The following UBE3D variants were observed in gnomAD, a reference collection of about 807,000 sequenced individuals.
UBE3D encodes ubiquitin protein ligase E3D.
UBE3D carries 48 observed loss-of-function variants against 49.6 expected under a neutral mutation model. That is an observed-to-expected ratio of 0.97 (90% CI 0.77 to 1.23). The LOEUF (loss-of-function observed/expected upper bound fraction) is 1.23, where lower values mean the gene tolerates loss of function less well. UBE3D is among the 50% of genes most tolerant of loss of function. The probability of loss-of-function intolerance (pLI) is 0.00; values close to 1 mark genes in which losing one functional copy is unlikely to be tolerated. For synonymous variants in UBE3D, 189 were observed against 174.2 expected, an observed-to-expected ratio of 1.08 and a Z score of -0.67; for missense variants, 452 against 468.4, an observed-to-expected ratio of 0.96 and a Z score of 0.32.
intron 3 of UBE3D, 121 bp from the exon 4 acceptor site, chr6:83,044,780 T>TC: frequency 2.5e-6 from 2 of 797,730 alleles, no homozygotes; most frequent in South Asian, 3.7e-5. Context: ...GCTAATTTTT[T>TC]CCCCAATTAT....
rs140323115 is a variant in UBE3D, at chr6:82,955,141, G to A, written c.1149+2171C>T. On this transcript the variant is annotated intron_variant, in intron 9 of 9. Coordinates refer to ENST00000369747, the MANE Select transcript of UBE3D (RefSeq NM_198920.3). ...ATTGCAGGCCAGGCTTCATGCACCTGTGTTTCCATGAGATTGAAATGACAT... is the reference window on the plus strand; with the variant it reads ...ATTGCAGGCCAGGCTTCATGCACCTATGTTTCCATGAGATTGAAATGACAT... 4.6e-3 allele frequency among the ~76,000 whole-genome samples: 704 copies of A among 151,800 alleles called. 3 individuals carry two copies. Among genetic ancestry groups the A allele is most frequent in the South Asian group, 0.016 (78 of 4,822 alleles).
At chr6:82,932,947 T>C (rs1774276780) in intron 9 of UBE3D, among the ~76,000 whole-genome samples, 2 of 152,162 alleles carry the variant, frequency 1.3e-5, no homozygotes, top group South Asian at 4.1e-4. Context: ...AGCAGGGCTC[T>C]AGTTGTCTGT....
At chr6:82,900,779 C>T (rs1384679589) in intron 9 of UBE3D, among the ~76,000 whole-genome samples, 1 of 152,114 alleles carries the variant, frequency 6.6e-6, no homozygotes. Context: ...GGAAGAATGG[C>T]AAAAGGTGAC....
At chr6:82,886,737 AG>A in the UBE3D span, among the ~76,000 whole-genome samples, 1 of 152,222 alleles carries the variant, frequency 6.6e-6, no homozygotes. Flanking sequence ...AATTAAAAAA[AG>A]TTTCAACTTA....
intron 5 of UBE3D, chr6:83,037,406 G>A (rs537116721): frequency 6.6e-6 from 1 of 152,274 alleles, no homozygotes; most frequent in Admixed American, 6.5e-5. Context: ...ACTTCAGGGA[G>A]AAAATAATTT....
At chr6:82,905,097 C>T (rs1772003886) in intron 9 of UBE3D, among the ~76,000 whole-genome samples, 1 of 152,216 alleles carries the variant, frequency 6.6e-6, no homozygotes, top group East Asian at 1.9e-4. Context: ...AAGCCATGGA[C>T]CTTTAATATA....
intron 9 of UBE3D, among the ~76,000 whole-genome samples, chr6:82,929,807 T>A (rs1341903352): frequency 6.6e-6 from 1 of 152,182 alleles, no homozygotes; most frequent in African/African-American, 2.4e-5. Flanking sequence ...ATTCCCTCTG[T>A]ATCCACACAT....
intron 9 of UBE3D, chr6:82,924,806 A>G (rs1241554985): frequency 6.6e-6 from 1 of 152,326 alleles, no homozygotes; most frequent in South Asian, 2.1e-4. Context: ...CATAGTATTT[A>G]TAGTAAACAT....
At chr6:82,908,899 T>G (rs1772298321) in intron 9 of UBE3D, among the ~76,000 whole-genome samples, 1 of 152,168 alleles carries the variant, frequency 6.6e-6, no homozygotes. Context: ...AGTGTGGGAC[T>G]GGAGCAGGGC....
In UBE3D at chr6:83,044,469, C is replaced by G. The variant is rs142879257; in HGVS notation, c.556G>C (p.Val186Leu). Reference sequence around the variant, plus strand: ...TCAGAAGAAACACAGCACATCTCCACTGGGGATAGTTCAGGTCTTTGCTGC... The same window carrying G: ...TCAGAAGAAACACAGCACATCTCCAGTGGGGATAGTTCAGGTCTTTGCTGC... ...LWQQRPELSPVEMCCVSSDNH... is the reference protein window; with the variant it reads ...LWQQRPELSPLEMCCVSSDNH... Residue 186 changes from valine (V) to leucine (L), a missense_variant, in exon 4 of 10, where the codon GTG becomes CTG. Coordinates refer to ENST00000369747, the MANE Select transcript of UBE3D (RefSeq NM_198920.3). 4 of 1,614,154 alleles carry G rather than the reference C, an allele frequency of 2.5e-6. No individual in the cohort carries two copies. In the South Asian group the frequency reaches 3.3e-5, roughly 13 times the overall value.
chr6:82,901,919 T>C (rs909659296), intron 9 of UBE3D, among the ~76,000 whole-genome samples: 4 of 152,198 alleles, frequency 2.6e-5, no homozygotes, highest in African/African-American at 9.6e-5. Context: ...AATTGACGTA[T>C]CATAGAAAGC....
intron 8 of UBE3D, among the ~76,000 whole-genome samples, chr6:82,968,977 C>G (rs1387266879): frequency 6.6e-6 from 1 of 152,082 alleles, no homozygotes; most frequent in Admixed American, 6.6e-5. Flanking sequence ...AAGCAATACT[C>G]AAAATCAAAT....
At chr6:82,893,778 A>G (rs1221666827) in intron 9 of UBE3D, among the ~76,000 whole-genome samples, 1 of 152,178 alleles carries the variant, frequency 6.6e-6, no homozygotes, top group East Asian at 1.9e-4. Flanking sequence ...AACAGAAGTA[A>G]AAACATTCTA....
At position 82,894,712 on chromosome 6, in the gene UBE3D, G is replaced by A. The variant is rs560525060; in HGVS notation, c.1150-1670C>T. Among the ~76,000 whole-genome samples, 3 of 152,274 alleles carry A rather than the reference G, an allele frequency of 2.0e-5. No homozygotes were observed. The East Asian group carries it at 5.8e-4, about 29-fold the overall frequency. Reference sequence around the variant, plus strand: ...AGCCTGTGAATATACCAGATGAGAAGAGAGGCCAGTAGAGCCTGTTATAAT... The same window carrying A: ...AGCCTGTGAATATACCAGATGAGAAAAGAGGCCAGTAGAGCCTGTTATAAT... On this transcript the variant is annotated intron_variant, in intron 9 of 9. Coordinates refer to ENST00000369747, the MANE Select transcript of UBE3D (RefSeq NM_198920.3).
Position 82,949,761 on chromosome 6 carries a change from G to T in UBE3D, c.1149+7551C>A, listed in dbSNP as rs1293588278. On this transcript the variant is annotated intron_variant, in intron 9 of 9. Transcript: ENST00000369747. Reference sequence around the variant, plus strand: ...CAAAAGTGCCAAGAACATATAGTGGGGGAAAGACAGTCTCTTCAATAAATG... The same window carrying T: ...CAAAAGTGCCAAGAACATATAGTGGTGGAAAGACAGTCTCTTCAATAAATG... Among the ~76,000 whole-genome samples, 3 of 152,128 alleles carry T rather than the reference G, an allele frequency of 2.0e-5. No individual in the cohort carries two copies. The East Asian group carries it at 5.8e-4, about 29-fold the overall frequency.
chr6:83,021,951 C>T (rs147383632), intron 7 of UBE3D, among the ~76,000 whole-genome samples: 247 of 151,918 alleles, frequency 1.6e-3, no homozygotes, highest in African/African-American at 5.5e-3. Flanking sequence ...TCTCTGTATC[C>T]GTAGTACCTA....
intron 9 of UBE3D, among the ~76,000 whole-genome samples, chr6:82,949,261 T>A (rs1775617593): frequency 6.6e-6 from 1 of 151,870 alleles, no homozygotes; most frequent in African/African-American, 2.4e-5. Flanking sequence ...ATAATCCCAT[T>A]TACAATAGCT....
intron 8 of UBE3D, among the ~76,000 whole-genome samples, chr6:82,971,953 C>G (rs1418159668): frequency 6.6e-6 from 1 of 152,094 alleles, no homozygotes; most frequent in Non-Finnish European, 1.5e-5. Context: ...CAAATAGGTT[C>G]TCTTCATTTT....
At chr6:83,057,794 A>C (rs766255259) in intron 2 of UBE3D, 32 bp downstream of exon 2, 33 of 1,606,798 alleles carry the variant, frequency 2.1e-5, no homozygotes, top group Admixed American at 6.7e-5. Flanking sequence ...CAAAAAGGTA[A>C]ATACAGCAGC....
Sources: allele counts gnomAD v4.1 joint callset (sites outside exome capture counted in the v4.1 genomes callset), GRCh38; gene constraint gnomAD v4.1.1; transcripts MANE v1.5; gene names NCBI Gene and HGNC (gene_info 2026-07-23, HGNC 2026-07-21).